Variants in KCNAB2 observed in about 807,000 individuals in gnomAD.
KCNAB2 encodes voltage-gated potassium channel subunit beta-2.
Under a neutral mutation model 63.6 loss-of-function variants are expected in KCNAB2, and 29 were observed. The observed-to-expected ratio is 0.46, with a 90% CI of 0.34 to 0.62. The LOEUF is 0.62. Ranked by LOEUF, KCNAB2 falls within the 20% of genes least tolerant of loss-of-function variation. The pLI is 0.01. For missense variants in KCNAB2, 359 were observed against 563.9 expected, an observed-to-expected ratio of 0.64 and a Z score of 3.68; for synonymous variants, 222 against 224.2, an observed-to-expected ratio of 0.99 and a Z score of 0.09.
intron 1 of KCNAB2, among the ~76,000 whole-genome samples, chr1:6,012,797 A>G (rs1416407018): frequency 2.0e-5 from 3 of 151,488 alleles, no homozygotes; most frequent in African/African-American, 4.9e-5. Context: ...GGCAGAGATC[A>G]TGGTAGAGGT....
At position 6,013,512 on chromosome 1, in the gene KCNAB2, G is replaced by A. The variant is rs141977392; in HGVS notation, c.-53+20724G>A. ...CAGAGGACAGCACCAGCCTCCCCAC[G>A]TGGATGCCCGACCAGCATCTGAGGT... On this transcript the variant is annotated intron_variant, in intron 1 of 16. Coordinates refer to the KCNAB2 transcript ENST00000341524. Among the ~76,000 whole-genome samples the A allele has an allele frequency of 3.2e-3, 486 of 152,212 alleles. 4 individuals carry two copies. The Middle Eastern group carries it at 0.044, about 14-fold the overall frequency.
intron 2 of KCNAB2, among the ~76,000 whole-genome samples, chr1:6,064,205 C>A (rs937583175): frequency 6.6e-6 from 1 of 152,238 alleles, no homozygotes. Context: ...GGCTGAACAC[C>A]GCCTTCTGGG....
chr1:6,029,552 C>A (rs949581452), upstream of KCNAB2, among the ~76,000 whole-genome samples: 1 of 152,226 alleles, frequency 6.6e-6, no homozygotes, highest in Non-Finnish European at 1.5e-5. Flanking sequence ...GGGCCAGAGC[C>A]ATCCCTGCAC....
At position 6,072,656 on chromosome 1, in the gene KCNAB2, G is replaced by C. The variant is rs78993905; in HGVS notation, c.219-99G>C. ...CGGAGCCTCCAAACACACATTGACT[G>C]TTGGGGGAGTGGGTGGGGGGCTGGC... is the stretch of plus-strand genomic sequence containing the variant. On this transcript the variant is annotated intron_variant, in intron 2 of 15. Transcript: ENST00000378083. 1,513 of 1,300,106 alleles carry C rather than the reference G, an allele frequency of 1.2e-3. 14 individuals carry two copies. The African/African-American group carries it at 0.019, about 16-fold the overall frequency. The allele number at this position is 1,300,106 out of a possible 1,614,324, so 80.5% of individuals were successfully genotyped here.
intron 1 of KCNAB2, among the ~76,000 whole-genome samples, chr1:6,038,327 A>G (rs933220194): frequency 6.9e-6 from 1 of 145,748 alleles, no homozygotes; most frequent in South Asian, 2.2e-4. Context: ...ATCTTGCTCC[A>G]TCACCCAGGC....
chr1:6,067,898 G>A (rs1662886185), intron 2 of KCNAB2, among the ~76,000 whole-genome samples: 2 of 152,144 alleles, frequency 1.3e-5, no homozygotes, highest in Non-Finnish European at 2.9e-5. Context: ...GGGCATGGTG[G>A]TGTGCACCTG....
At chr1:5,995,441 T>A (rs1570803474) in intron 1 of KCNAB2, among the ~76,000 whole-genome samples, 1 of 152,198 alleles carries the variant, frequency 6.6e-6, no homozygotes, top group Non-Finnish European at 1.5e-5. Flanking sequence ...TGACCGGCTG[T>A]CCCTTCAGAA....
chr1:6,003,198 C>T lies in KCNAB2; in HGVS notation c.-53+10410C>T, dbSNP rs1268413251. On this transcript the variant is annotated intron_variant, in intron 1 of 16. Coordinates refer to the KCNAB2 transcript ENST00000341524. This position sits in a 1 kb window ranked among gnomAD's most constrained non-coding sequence, Gnocchi z 4.1. ...GGGCGAGGCCAGCGCACAGCCCCAGCAGCCTGGCCCCTGCTGGCTGCAGGG... is the reference window on the plus strand; with the variant it reads ...GGGCGAGGCCAGCGCACAGCCCCAGTAGCCTGGCCCCTGCTGGCTGCAGGG... 6.6e-6 allele frequency among the ~76,000 whole-genome samples: 1 copy of T among 152,212 alleles called. No homozygotes were observed.
In KCNAB2 at chr1:6,067,409, T is replaced by C. The variant is rs182796449; in HGVS notation, c.219-5346T>C. Among the ~76,000 whole-genome samples, 60 of 152,298 alleles carry C rather than the reference T, an allele frequency of 3.9e-4. 1 individual carries two copies. In the East Asian group the frequency reaches 0.011, roughly 27 times the overall value. ...CTTCTGGGTTTATAGCTGGTATGGG[T>C]GCCAACCTGAAAAGCATTGTGAGTC... is the stretch of plus-strand genomic sequence containing the variant. On this transcript the variant is annotated intron_variant, in intron 2 of 15. Transcript: ENST00000378083.
At position 6,098,528 on chromosome 1, in the gene KCNAB2, G is replaced by C; in HGVS notation, c.1202G>C (p.Ser401Thr). 1 of 1,614,036 alleles carries C rather than the reference G, an allele frequency of 6.2e-7. No homozygotes were observed. The highest frequency in any genetic ancestry group is 8.5e-7 in the Non-Finnish European group (1 of 1,179,994). The change falls in exon 16 of 16, where the codon AGT (serine) becomes ACT (threonine). Residue 401 changes from serine (S) to threonine (T), a missense_variant. Ser to Thr is a moderately conservative substitution (Grantham distance 58). This residue lies in a region of KCNAB2 where 271 missense variants were observed against 476.1 expected (regional missense o/e 0.57). Coordinates refer to ENST00000378083, the MANE Select transcript of KCNAB2 (RefSeq NM_001199862.2). ...TCTTCCATTATCCACGAGATTGATA[G>C]TATTTTGGGCAATAAACCCTACAGC... Reference protein sequence around the residue: ...LSSSIIHEIDSILGNKPYSKK... With the variant: ...LSSSIIHEIDTILGNKPYSKK...
intron 7 of KCNAB2, among the ~76,000 whole-genome samples, chr1:6,088,213 G>T (rs1352204571): frequency 2.8e-5 from 4 of 143,282 alleles, no homozygotes; most frequent in African/African-American, 7.8e-5. Flanking sequence ...TGACTAATTT[G>T]TCCTTTTTCT....
Position 6,074,056 on chromosome 1 carries a change from G to A in KCNAB2, c.300+286G>A, listed in dbSNP as rs1300504504. On this transcript the variant is annotated intron_variant, in intron 4 of 15. Transcript: ENST00000378083. This position sits in a 1 kb window ranked among gnomAD's most constrained non-coding sequence, Gnocchi z 4.9. ...CCCAGGACTCAGATTTCCCACACGC[G>A]TGACCCCCATTCCACAGTTAACGAG... Among the ~76,000 whole-genome samples, 5 of 152,188 alleles carry A rather than the reference G, an allele frequency of 3.3e-5. No individual in the cohort carries two copies. Among genetic ancestry groups the A allele is most frequent in the South Asian group, 2.1e-4 (1 of 4,830 alleles).
intron 1 of KCNAB2, among the ~76,000 whole-genome samples, chr1:5,998,547 C>A (rs190096683): frequency 3.3e-5 from 5 of 152,074 alleles, no homozygotes; most frequent in African/African-American, 1.2e-4. Flanking sequence ...TGCCAAGGGT[C>A]GCCAAGGGTA....
At chr1:6,033,379 G>GTGTATGTGTGCATATGTGTGCC (rs1659790628), upstream of KCNAB2, among the ~76,000 whole-genome samples, 1 of 151,038 alleles carries the variant, frequency 6.6e-6, no homozygotes, top group Non-Finnish European at 1.5e-5. Context: ...ATATGTGTGC[G>GTGTATGTGTGCATATGTGTGCC]TGTATGTGTG....
chr1:6,083,770 G>C (rs74049397), intron 5 of KCNAB2, among the ~76,000 whole-genome samples: 1 of 152,196 alleles, frequency 6.6e-6, no homozygotes, highest in African/African-American at 2.4e-5. Context: ...GGCCAAACCC[G>C]TATCTTCCCG....
At chr1:5,997,607 A>G (rs745743636) in intron 1 of KCNAB2, among the ~76,000 whole-genome samples, 1 of 152,160 alleles carries the variant, frequency 6.6e-6, no homozygotes, top group Admixed American at 6.5e-5. Context: ...GGGCAGCTTC[A>G]TGATCTTTCA....
intron 1 of KCNAB2, among the ~76,000 whole-genome samples, chr1:6,038,525 G>T (rs1660235237): frequency 6.6e-6 from 1 of 151,982 alleles, no homozygotes; most frequent in Admixed American, 6.6e-5. Flanking sequence ...GTGTTGCCCA[G>T]GCTGGTCTCA....
intron 15 of KCNAB2, 101 bp from the exon 16 acceptor site, chr1:6,098,384 C>A: frequency 6.5e-7 from 1 of 1,543,036 alleles, no homozygotes; most frequent in Non-Finnish European, 8.8e-7. Context: ...GCAACCCGGG[C>A]CTGGCCAGCC....
In KCNAB2 at chr1:6,072,850, C is replaced by A. The variant is rs575873163; in HGVS notation, c.262+52C>A. 136 of 1,583,604 alleles carry A rather than the reference C, an allele frequency of 8.6e-5. No homozygotes were observed. The Admixed American group carries it at 2.2e-3, about 26-fold the overall frequency. On this transcript the variant is annotated intron_variant, in intron 3 of 15. Transcript: ENST00000378083. Reference sequence around the variant, plus strand: ...ACCAGGGAAACAGGCTGTGGGGAGGCCGGGCATGGACTGAACTGGACACCC... The same window carrying A: ...ACCAGGGAAACAGGCTGTGGGGAGGACGGGCATGGACTGAACTGGACACCC...
Sources: gnomAD v4.1 joint callset for allele counts (sites outside exome capture counted in the v4.1 genomes callset) on GRCh38, gnomAD v4.1.1 for gene constraint, gnomAD v4.1.1 regional missense constraint, Gnocchi (gnomAD v3.1) non-coding constraint, MANE v1.5 for transcripts, NCBI Gene and HGNC (gene_info 2026-07-23, HGNC 2026-07-21) for gene names.